Variants in CPQ observed in about 807,000 individuals in gnomAD.
The protein encoded by CPQ is carboxypeptidase Q.
Under a neutral mutation model 45.7 loss-of-function variants are expected in CPQ, and 37 were observed. The observed-to-expected ratio is 0.81, with a 90% CI of 0.62 to 1.07. The LOEUF is 1.07. Among genes scored for constraint, CPQ ranks in the 50% least tolerant of loss-of-function variants. The probability of loss-of-function intolerance (pLI) is 0.00; values close to 1 mark genes in which losing one functional copy is unlikely to be tolerated. For synonymous variants in CPQ, 186 were observed against 205.8 expected, an observed-to-expected ratio of 0.90 and a Z score of 0.82; for missense variants, 537 against 572.9, an observed-to-expected ratio of 0.94 and a Z score of 0.64.
intron 3 of CPQ, among the ~76,000 whole-genome samples, chr8:96,851,651 C>G (rs889363071): frequency 6.6e-6 from 1 of 152,166 alleles, no homozygotes; most frequent in African/African-American, 2.4e-5. Context: ...AAAGGCCCCA[C>G]CACTTAATAT....
At chr8:96,683,221 C>G (rs1809175449) in intron 1 of CPQ, among the ~76,000 whole-genome samples, 1 of 151,850 alleles carries the variant, frequency 6.6e-6, no homozygotes, top group South Asian at 2.1e-4. Context: ...TGATGAATTC[C>G]CTGTTTTTGA....
intron 6 of CPQ, among the ~76,000 whole-genome samples, chr8:97,051,944 A>G (rs1051066611): frequency 6.6e-6 from 1 of 152,134 alleles, no homozygotes; most frequent in Non-Finnish European, 1.5e-5. Context: ...TTAAACACCA[A>G]TGATGCCCTT....
intron 4 of CPQ, among the ~76,000 whole-genome samples, chr8:96,903,813 G>A (rs1452230027): frequency 2.6e-5 from 4 of 152,162 alleles, no homozygotes; most frequent in African/African-American, 4.8e-5. Context: ...GTTATCTAGA[G>A]CAGAGGAAAG....
chr8:97,115,891 T>A (rs1287160127), intron 7 of CPQ, among the ~76,000 whole-genome samples: 3 of 152,244 alleles, frequency 2.0e-5, no homozygotes, highest in Non-Finnish European at 1.5e-5. Context: ...ATTGTTTTTT[T>A]AAATTTTTAA....
At chr8:97,070,534 A>G (rs183574296) in intron 7 of CPQ, among the ~76,000 whole-genome samples, 1 of 152,306 alleles carries the variant, frequency 6.6e-6, no homozygotes, top group East Asian at 1.9e-4. Flanking sequence ...GCTTTTAGAT[A>G]CTTCAGTTTA....
intron 4 of CPQ, among the ~76,000 whole-genome samples, chr8:96,919,322 CT>C (rs1433506993): frequency 6.6e-6 from 1 of 152,118 alleles, no homozygotes; most frequent in Non-Finnish European, 1.5e-5. Context: ...CCACGTCATT[CT>C]GTCTGTGGCA....
chr8:97,028,668 T>A (rs999522426), intron 5 of CPQ, among the ~76,000 whole-genome samples: 2 of 152,296 alleles, frequency 1.3e-5, no homozygotes, highest in Non-Finnish European at 1.5e-5. Context: ...GAGCTGACAT[T>A]GTCAGCCAAA....
chr8:96,859,086 C>G (rs1161401376), intron 3 of CPQ, among the ~76,000 whole-genome samples: 1 of 152,138 alleles, frequency 6.6e-6, no homozygotes, highest in East Asian at 1.9e-4. Flanking sequence ...TATTGATGCT[C>G]CATAGGTTTA....
intron 6 of CPQ, among the ~76,000 whole-genome samples, chr8:97,049,535 A>G (rs1810321512): frequency 1.3e-5 from 2 of 152,210 alleles, no homozygotes; most frequent in African/African-American, 4.8e-5. Context: ...CTCAAATTTA[A>G]ACTAGAAAAT....
intron 7 of CPQ, among the ~76,000 whole-genome samples, chr8:97,128,524 A>G (rs1811884330): frequency 6.6e-6 from 1 of 152,152 alleles, no homozygotes; most frequent in Admixed American, 6.5e-5. Context: ...GTTTCTACTA[A>G]AAATACAAAA....
At chr8:96,778,062 G>A (rs1810639657) in intron 1 of CPQ, among the ~76,000 whole-genome samples, 2 of 150,342 alleles carry the variant, frequency 1.3e-5, no homozygotes, top group South Asian at 4.2e-4. Context: ...CTTGAATACC[G>A]GTCTTGATTA....
At chr8:97,032,733 C>G (rs1809930885) in intron 6 of CPQ, among the ~76,000 whole-genome samples, 1 of 152,186 alleles carries the variant, frequency 6.6e-6, no homozygotes, top group Non-Finnish European at 1.5e-5. Flanking sequence ...ATGCCTTTGT[C>G]TAGCAACACA....
intron 6 of CPQ, among the ~76,000 whole-genome samples, chr8:97,051,260 A>G (rs542590853): frequency 2.0e-5 from 3 of 152,326 alleles, no homozygotes; most frequent in African/African-American, 7.2e-5. Context: ...ATATTTTTGA[A>G]TGCATAAAAT....
At chr8:96,845,524 T>C (rs1009728188) in intron 3 of CPQ, among the ~76,000 whole-genome samples, 3 of 152,156 alleles carry the variant, frequency 2.0e-5, no homozygotes, top group African/African-American at 4.8e-5. Context: ...TCTCAATTTT[T>C]TGTTTTGTTT....
At chr8:96,891,131 C>CT (rs901579148) in intron 4 of CPQ, among the ~76,000 whole-genome samples, 4 of 152,198 alleles carry the variant, frequency 2.6e-5, no homozygotes, top group Non-Finnish European at 5.9e-5. Flanking sequence ...CATTGCCACA[C>CT]TTTTTTAGCC....
chr8:97,019,221 T>C (rs1488557512), intron 5 of CPQ, among the ~76,000 whole-genome samples: 2 of 152,176 alleles, frequency 1.3e-5, no homozygotes, highest in Non-Finnish European at 2.9e-5. Context: ...CAAGAACCGC[T>C]AAAAGGAGCT....
At chr8:96,700,779 A>G (rs746194289) in intron 1 of CPQ, among the ~76,000 whole-genome samples, 11 of 152,220 alleles carry the variant, frequency 7.2e-5, no homozygotes, top group Non-Finnish European at 1.6e-4. Flanking sequence ...TACAGAGGAC[A>G]CAGAGAACAT....
intron 4 of CPQ, among the ~76,000 whole-genome samples, chr8:96,888,885 C>T (rs7818128): frequency 0.6 from 91,617 of 152,098 alleles, 28,114 homozygotes; most frequent in African/African-American, 0.72. Context: ...CATCTATTTA[C>T]TTATTGGGTA....
intron 1 of CPQ, among the ~76,000 whole-genome samples, chr8:96,767,475 C>T (rs1003564872): frequency 7.6e-6 from 1 of 131,674 alleles, no homozygotes; most frequent in Non-Finnish European, 1.6e-5. Flanking sequence ...CTGCAGTGGG[C>T]ACTTGGGCTC....
Sources: gnomAD v4.1 joint callset for allele counts (sites outside exome capture counted in the v4.1 genomes callset) on GRCh38, gnomAD v4.1.1 for gene constraint, MANE v1.5 for transcripts, NCBI Gene and HGNC (gene_info 2026-07-23, HGNC 2026-07-21) for gene names.